The following PLA2G4E variants were observed in gnomAD, a reference collection of about 807,000 sequenced individuals.
PLA2G4E encodes the protein cytosolic phospholipase A2 epsilon.
In PLA2G4E, 84 loss-of-function variants were observed where a neutral mutation model predicts 109.1. The ratio of observed to expected loss-of-function variants is 0.77; its 90% confidence interval spans 0.65 to 0.92. PLA2G4E has a LOEUF of 0.92. Ranked by LOEUF, PLA2G4E falls within the 40% of genes least tolerant of loss-of-function variation. The pLI is 0.00. For missense variants in PLA2G4E, 1,057 were observed against 1,076.6 expected, an observed-to-expected ratio of 0.98 and a Z score of 0.25; for synonymous variants, 469 against 436.1, an observed-to-expected ratio of 1.08 and a Z score of -0.94.
chr15:42,007,174 G>A (rs1452329948), intron 3 of PLA2G4E, among the ~76,000 whole-genome samples: 1 of 152,218 alleles, frequency 6.6e-6, no homozygotes, highest in African/African-American at 2.4e-5. Context: ...AGGGATCTCT[G>A]CTGAGGCTGT....
rs74008956 is a variant in PLA2G4E, at chr15:42,035,341, A to C, written c.183+15180T>G. 8.4e-3 allele frequency among the ~76,000 whole-genome samples: 1,281 copies of C among 152,308 alleles called. 21 individuals carry two copies. The highest frequency in any genetic ancestry group is 0.029 in the African/African-American group (1,226 of 41,568). ...CCCTGCATAGGGAAAGCCTCTCCCC[A>C]TCCTGGGAGGAGCAACCAGCACCTG... On this transcript the variant is annotated intron_variant, in intron 1 of 19. Coordinates refer to ENST00000399518, the Ensembl canonical transcript of PLA2G4E.
chr15:42,023,535 G>C (rs2068666973), intron 1 of PLA2G4E, among the ~76,000 whole-genome samples: 1 of 152,056 alleles, frequency 6.6e-6, no homozygotes, highest in African/African-American at 2.4e-5. Flanking sequence ...AGGGGAAGTA[G>C]GGTGGAAAGT....
chr15:42,049,160 G>C (rs1054498110), intron 1 of PLA2G4E, among the ~76,000 whole-genome samples: 2 of 152,164 alleles, frequency 1.3e-5, no homozygotes, highest in Non-Finnish European at 2.9e-5. Context: ...GCTCTTGTGG[G>C]AATGGTGGGA....
intron 1 of PLA2G4E, among the ~76,000 whole-genome samples, chr15:42,039,536 C>CAT (rs1440815820): frequency 4.9e-5 from 7 of 143,780 alleles, no homozygotes; most frequent in African/African-American, 1.5e-4. Flanking sequence ...TGTATGTGTA[C>CAT]GTATATATAT....
intron 1 of PLA2G4E, among the ~76,000 whole-genome samples, chr15:42,036,716 G>C (rs896041748): frequency 1.4e-4 from 21 of 152,158 alleles, no homozygotes; most frequent in African/African-American, 4.6e-4. Context: ...CCAGGACCTG[G>C]AGCCCCTGCC....
At position 42,050,499 on chromosome 15, in the gene PLA2G4E, C is replaced by G. The variant is rs1325308333; in HGVS notation, c.183+22G>C. 19 of 1,544,602 alleles carry G rather than the reference C, an allele frequency of 1.2e-5. No individual in the cohort carries two copies. In the Admixed American group the frequency reaches 3.2e-4, roughly 26 times the overall value. On this transcript the variant is annotated intron_variant, in intron 1 of 19. Transcript: ENST00000399518. ...GTTAAAATTTAAGGGACCAGACCCC[C>G]CTCCCAGGAACACAGACATACCTCA...
chr15:42,004,960 C>T, exon 5 of PLA2G4E: 2 of 1,613,272 alleles, frequency 1.2e-6, no homozygotes, highest in Non-Finnish European at 1.7e-6. Flanking sequence ...AGGAACTCCA[C>T]CTCCAGCTCT....
chr15:41,987,196 T>A (rs1486329955), exon 17 of PLA2G4E: 1 of 1,613,900 alleles, frequency 6.2e-7, no homozygotes, highest in Admixed American at 1.7e-5. Flanking sequence ...AACTGGCCAT[T>A]CTGGAGGTAG....
chr15:42,036,745 G>A (rs1428664829), intron 1 of PLA2G4E, among the ~76,000 whole-genome samples: 1 of 152,168 alleles, frequency 6.6e-6, no homozygotes, highest in Non-Finnish European at 1.5e-5. Context: ...CGAAGGAGGG[G>A]CGGATGGAGC....
chr15:42,006,067 G>T (rs1278525305), exon 4 of PLA2G4E: 1 of 1,613,960 alleles, frequency 6.2e-7, no homozygotes. Context: ...ACTGTCAGGA[G>T]ATGGTCATCT....
chr15:41,981,895 C>G (rs2141016771), exon 20 of PLA2G4E: 1 of 152,290 alleles, frequency 6.6e-6, no homozygotes, highest in East Asian at 1.9e-4. Flanking sequence ...AGCACTGATT[C>G]ATACGTTCCA....
chr15:41,994,544 T>C (rs2068307021), intron 12 of PLA2G4E, among the ~76,000 whole-genome samples: 1 of 152,192 alleles, frequency 6.6e-6, no homozygotes, highest in South Asian at 2.1e-4. Context: ...TTTTGTTTTT[T>C]TTAAAGACAA....
rs1485349439 is a variant in PLA2G4E, at chr15:41,985,846, T to A, written c.2195A>T (p.Gln732Leu). Residue 732 changes from glutamine to leucine, a missense_variant, in exon 18 of 20, where the codon CAG (glutamine) becomes CTG (leucine). Physicochemically the swap from Gln to Leu is moderately radical, Grantham distance 113. Transcript: ENST00000399518. The stretch of plus-strand genomic sequence containing the variant: ...GGGAGGCTGCGCACTTGCCTTTGTC[T>A]GGGACCCAGCACAGTAGTTGAGGTG... 1 of 1,610,464 alleles carries A rather than the reference T, an allele frequency of 6.2e-7. No homozygotes were observed. The highest frequency in any genetic ancestry group is 2.2e-5 in the East Asian group (1 of 44,802).
At chr15:42,002,246 C>G (rs893187970) in intron 6 of PLA2G4E, among the ~76,000 whole-genome samples, 1 of 109,984 alleles carries the variant, frequency 9.1e-6, no homozygotes, top group African/African-American at 3.8e-5. Flanking sequence ...GCCTGGGCGA[C>G]AGAGTGAGAC....
At chr15:42,000,395 G>A (rs2068404616) in intron 7 of PLA2G4E, 113 bp from the exon 8 acceptor site, 3 of 1,017,390 alleles carry the variant, frequency 2.9e-6, no homozygotes, top group East Asian at 2.6e-5. Context: ...GAATCACCTG[G>A]GGCACCAGTT....
intron 4 of PLA2G4E, 21 bp from the exon 5 acceptor site, chr15:42,004,999 G>A (rs535764023): frequency 6.2e-7 from 1 of 1,611,790 alleles, no homozygotes; most frequent in Non-Finnish European, 8.5e-7. Context: ...AGGGAGGGAA[G>A]GCAGCTGTGA....
exon 8 of PLA2G4E, chr15:42,000,115 A>C: frequency 6.3e-7 from 1 of 1,588,570 alleles, no homozygotes; most frequent in South Asian, 1.2e-5. Flanking sequence ...CCACAGCTCC[A>C]GTGACTCTTG....
intron 6 of PLA2G4E, among the ~76,000 whole-genome samples, chr15:42,002,301 T>C (rs2068430026): frequency 6.9e-6 from 1 of 143,988 alleles, no homozygotes. Context: ...AAACTGTGCT[T>C]GTAGAATTAC....
At chr15:42,008,580 G>A (rs990641267) in intron 2 of PLA2G4E, among the ~76,000 whole-genome samples, 18 of 152,122 alleles carry the variant, frequency 1.2e-4, no homozygotes, top group Admixed American at 6.5e-5. Flanking sequence ...CTCTGGAGAA[G>A]GGACAGAGGC....
Sources: allele counts gnomAD v4.1 joint callset (sites outside exome capture counted in the v4.1 genomes callset), GRCh38; gene constraint gnomAD v4.1.1; transcripts MANE v1.5; gene names NCBI Gene and HGNC (gene_info 2026-07-23, HGNC 2026-07-21).